Variants in PCID2 observed in about 807,000 individuals in gnomAD.
The protein encoded by PCID2 is PCI domain containing 2, also known as PCI domain-containing protein 2.
In PCID2, 41 loss-of-function variants were observed where a neutral mutation model predicts 61.3. The ratio of observed to expected loss-of-function variants is 0.67; its 90% CI spans 0.52 to 0.87. The LOEUF is 0.87. Ranked by LOEUF, PCID2 falls within the 40% of genes least tolerant of loss-of-function variation. The pLI, the probability that PCID2 is intolerant of heterozygous loss-of-function variation, is 0.00. For missense variants in PCID2, 392 were observed against 493.4 expected (o/e 0.79, Z 1.95); for synonymous variants, 187 against 177.8 (o/e 1.05, Z -0.41).
chr13:113,180,048 GA>G lies in PCID2; in HGVS notation c.861-7del. ...GCAGCAGCAGGTTGCCCTCGCTGGT[GA>G]GGGGGGAGGCGCGTCAGAAGGAGGG... On this transcript the variant is annotated splice_region_variant and splice_polypyrimidine_tract_variant and intron_variant, in intron 11 of 13. Transcript: ENST00000337344. 1 of 1,613,910 alleles carries G rather than the reference GA, an allele frequency of 6.2e-7. No individual in the cohort carries two copies. Among genetic ancestry groups the G allele is most frequent in the Non-Finnish European group, 8.5e-7 (1 of 1,179,888 alleles).
At chr13:113,186,996 A>G (rs1008239505) in intron 7 of PCID2, 2 of 152,246 alleles carry the variant, frequency 1.3e-5, no homozygotes, top group African/African-American at 2.4e-5. Context: ...ATTTTAAAAT[A>G]TCAAACCCTG....
At chr13:113,170,511 G>A in the PCID2 span, 114 of 1,580,638 alleles carry the variant, frequency 7.2e-5, no homozygotes, top group Non-Finnish European at 8.9e-5. Context: ...TGTTACACAG[G>A]AATATTACTG....
intron 7 of PCID2, among the ~76,000 whole-genome samples, chr13:113,189,145 C>T (rs995660867): frequency 2.6e-5 from 4 of 151,950 alleles, no homozygotes; most frequent in South Asian, 2.1e-4. Context: ...AAGAGCCTGG[C>T]GCCTCCCCTT....
In PCID2 at chr13:113,200,605, G is replaced by A. The variant is rs553860025; in HGVS notation, c.37-89C>T. Reference sequence around the variant, plus strand: ...ACAATACACTGAATGCCACACAGGGGAAAATTCATTTTCCCCTACTTTGAA... The same window carrying A: ...ACAATACACTGAATGCCACACAGGGAAAAATTCATTTTCCCCTACTTTGAA... On this transcript the variant is annotated intron_variant, in intron 1 of 13. Coordinates refer to ENST00000337344, the MANE Select transcript of PCID2 (RefSeq NM_001127202.4). 588 of 815,444 alleles carry A rather than the reference G, an allele frequency of 7.2e-4. 5 individuals carry two copies. Among genetic ancestry groups the A allele is most frequent in the Middle Eastern group, 2.1e-3 (9 of 4,380 alleles). The allele number at this position is 815,444 out of a possible 1,614,324, so 50.5% of individuals were successfully genotyped here.
intron 1 of PCID2, among the ~76,000 whole-genome samples, chr13:113,206,261 G>A (rs2138987419): frequency 6.6e-6 from 1 of 152,328 alleles, no homozygotes; most frequent in African/African-American, 2.4e-5. Flanking sequence ...TAGATAACTT[G>A]TCATGGTCCC....
At chr13:113,196,094 A>G in intron 5 of PCID2, 87 bp downstream of exon 5, 5 of 931,372 alleles carry the variant, frequency 5.4e-6, no homozygotes, top group Admixed American at 5.1e-5. Flanking sequence ...GGAAAATACA[A>G]TACACATTTA....
At chr13:113,208,501 C>T in intron 1 of PCID2, 98 bp downstream of exon 1, 2 of 1,548,050 alleles carry the variant, frequency 1.3e-6, no homozygotes, top group South Asian at 1.2e-5. Flanking sequence ...GGTGGCGAGG[C>T]GGGAAAGGAA....
At position 113,182,821 on chromosome 13, in the gene PCID2, G is replaced by C. The variant is rs1178791705; in HGVS notation, c.685+1525C>G. 5.9e-5 allele frequency among the ~76,000 whole-genome samples: 9 copies of C among 152,308 alleles called. No homozygotes were observed. The South Asian group carries it at 1.9e-3, about 32-fold the overall frequency. The stretch of plus-strand genomic sequence containing the variant: ...CATTTTCTAATAGTTAATGCAAGCT[G>C]AGATTTTTCTGCTGTCTTTGAGGGA... On this transcript the variant is annotated intron_variant, in intron 9 of 13. Coordinates refer to ENST00000337344, the MANE Select transcript of PCID2 (RefSeq NM_001127202.4).
intron 7 of PCID2, among the ~76,000 whole-genome samples, chr13:113,190,259 C>G (rs2138789935): frequency 6.8e-6 from 1 of 146,244 alleles, no homozygotes; most frequent in African/African-American, 2.5e-5. Context: ...CAACTATGCA[C>G]ATCAGAGCCA....
At chr13:113,197,831 T>C (rs140393907) in intron 3 of PCID2, among the ~76,000 whole-genome samples, 7 of 152,338 alleles carry the variant, frequency 4.6e-5, no homozygotes, top group African/African-American at 1.7e-4. Context: ...ATATGAAGTG[T>C]ACATAAAAAG....
At chr13:113,196,362 G>A in intron 4 of PCID2, 140 bp from the exon 5 acceptor site, 2 of 596,496 alleles carry the variant, frequency 3.4e-6, no homozygotes, top group Non-Finnish European at 5.9e-6. Flanking sequence ...AGTTCTTGAA[G>A]GAAAAAAGGT....
rs780414730 is a variant in PCID2, at chr13:113,200,406, GT to G, written c.126+20del. 1.4e-6 allele frequency: 2 copies of G among 1,457,902 alleles called. No individual in the cohort carries two copies. Among genetic ancestry groups the G allele is most frequent in the South Asian group, 2.3e-5 (2 of 87,916 alleles). 90.3% of individuals were successfully genotyped at this position (1,457,902 alleles called of 1,614,324 possible). ...CCTGTAATTGTCTGCAGACACCTGT[GT>G]GCACAGCTCTTTCACCTACTTGAAG... On this transcript the variant is annotated intron_variant, in intron 2 of 13. Coordinates refer to ENST00000337344, the MANE Select transcript of PCID2 (RefSeq NM_001127202.4).
intron 7 of PCID2, among the ~76,000 whole-genome samples, chr13:113,188,883 C>T (rs912269683): frequency 6.6e-6 from 1 of 152,142 alleles, no homozygotes; most frequent in African/African-American, 2.4e-5. Flanking sequence ...TCTTTTGAGG[C>T]TACAGAGTTT....
At chr13:113,200,293 TAAAG>T (rs1312259170) in intron 2 of PCID2, 130 bp downstream of exon 2, 2 of 625,718 alleles carry the variant, frequency 3.2e-6, no homozygotes, top group South Asian at 3.8e-5. Context: ...ACATAAATCA[TAAAG>T]AAACTTTAAA....
At chr13:113,171,324 A>C in the PCID2 span, among the ~76,000 whole-genome samples, 1 of 152,146 alleles carries the variant, frequency 6.6e-6, no homozygotes, top group Non-Finnish European at 1.5e-5. The surrounding 1 kb of genome is among the most constrained non-coding windows in gnomAD (Gnocchi z 5.1). Flanking sequence ...CCTGCTTTTT[A>C]ATCATTTCAC....
chr13:113,190,023 C>CAA (rs1171070892), intron 7 of PCID2, among the ~76,000 whole-genome samples: 3 of 131,570 alleles, frequency 2.3e-5, no homozygotes, highest in Non-Finnish European at 3.3e-5. Flanking sequence ...AGTCTTGTCT[C>CAA]AAAAAAAAAA....
intron 7 of PCID2, chr13:113,185,927 T>C (rs2032449407): frequency 5.7e-6 from 1 of 175,912 alleles, no homozygotes; most frequent in Non-Finnish European, 1.2e-5. Flanking sequence ...GGTGTGTGCC[T>C]GTAATCCCAG....
chr13:113,183,955 G>A, intron 9 of PCID2: 1 of 985,310 alleles, frequency 1.0e-6, no homozygotes. Context: ...CATGCGGGAT[G>A]TGTAGGTCAT....
At position 113,179,040 on chromosome 13, in the gene PCID2, C is replaced by T. The variant is rs2037372808; in HGVS notation, c.1036G>A (p.Ala346Thr). The T allele has an allele frequency of 2.5e-6, 4 of 1,613,744 alleles. No individual in the cohort carries two copies. The highest frequency in any genetic ancestry group is 2.7e-5 in the African/African-American group (2 of 74,894). Residue 346 changes from alanine to threonine, a missense_variant, in exon 13 of 14, where the codon GCC becomes ACC. By Grantham distance (58) the Ala-to-Thr change is moderately conservative. This residue lies in a region of PCID2 where 226 missense variants were observed against 296.5 expected (regional missense o/e 0.76). Transcript: ENST00000337344. This position sits in a 1 kb window ranked among gnomAD's most constrained non-coding sequence, Gnocchi z 4.3. ...TCCTCCACCTGCATGAACTTCAAGG[C>T]AACCAGAAAAGCATCCAGAGACAGC... ...HQLSLDAFLV[A>T]LKFMQVEDVD...
Sources: allele counts gnomAD v4.1 joint callset (sites outside exome capture counted in the v4.1 genomes callset), GRCh38; gene constraint gnomAD v4.1.1; regional missense constraint gnomAD v4.1.1; non-coding constraint Gnocchi (gnomAD v3.1); transcripts MANE v1.5; gene names NCBI Gene and HGNC (gene_info 2026-07-23, HGNC 2026-07-21).